The following PCDH7 variants were observed in gnomAD, a reference collection of about 807,000 sequenced individuals.
PCDH7 encodes the protein protocadherin 7, also known as protocadherin-7.
Under a neutral mutation model 58.9 loss-of-function variants are expected in PCDH7, and 17 were observed. The ratio of observed to expected loss-of-function variants is 0.29; its 90% CI spans 0.20 to 0.43. The LOEUF (loss-of-function observed/expected upper bound fraction) is 0.43. Among genes scored for constraint, PCDH7 ranks in the 20% least tolerant of loss-of-function variants. PCDH7 has a pLI of 1.00. For synonymous variants in PCDH7, 664 were observed against 616.4 expected (o/e 1.08, Z -1.14); for missense variants, 1,274 against 1,441.0 (o/e 0.88, Z 1.88).
intron 2 of PCDH7, among the ~76,000 whole-genome samples, chr4:30,948,287 T>C (rs1370733729): frequency 2.0e-5 from 3 of 148,860 alleles, no homozygotes; most frequent in African/African-American, 7.5e-5. Flanking sequence ...GCAACTCATA[T>C]GCAAAAAAAA....
intron 3 of PCDH7, among the ~76,000 whole-genome samples, chr4:31,016,450 G>A (rs1753609305): frequency 6.6e-6 from 1 of 150,600 alleles, no homozygotes; most frequent in Non-Finnish European, 1.5e-5. Flanking sequence ...GACAGGAGAG[G>A]GGGAAAGGCC....
chr4:30,739,634 T>A (rs2109246991), intron 1 of PCDH7, among the ~76,000 whole-genome samples: 1 of 152,310 alleles, frequency 6.6e-6, no homozygotes, highest in African/African-American at 2.4e-5. Flanking sequence ...TAAAACTTGA[T>A]GTTTTCTTTA....
At chr4:31,022,184 G>A (rs911452628) in intron 3 of PCDH7, among the ~76,000 whole-genome samples, 5 of 152,174 alleles carry the variant, frequency 3.3e-5, no homozygotes, top group African/African-American at 1.2e-4. Context: ...CAGATTGTAT[G>A]AGAGTGCCCT....
At chr4:31,071,173 A>G (rs895971868) in intron 3 of PCDH7, among the ~76,000 whole-genome samples, 1 of 152,054 alleles carries the variant, frequency 6.6e-6, no homozygotes, top group Admixed American at 6.6e-5. Flanking sequence ...TCTTTAATAG[A>G]TTCTTTTTTA....
chr4:30,851,999 A>AT (rs1732821590), intron 1 of PCDH7, among the ~76,000 whole-genome samples: 1 of 152,086 alleles, frequency 6.6e-6, no homozygotes, highest in African/African-American at 2.4e-5. Flanking sequence ...AGGAAAATAG[A>AT]TTTTTCAATG....
intron 3 of PCDH7, among the ~76,000 whole-genome samples, chr4:31,071,446 C>G (rs749684157): frequency 6.6e-6 from 1 of 152,088 alleles, no homozygotes; most frequent in Admixed American, 6.6e-5. Flanking sequence ...GGAGAGGGGG[C>G]AGCCTTTCAT....
chr4:30,960,126 G>GAAGC (rs1184054502), intron 3 of PCDH7, among the ~76,000 whole-genome samples: 10 of 76,754 alleles, frequency 1.3e-4, no homozygotes, highest in African/African-American at 6.8e-4. Flanking sequence ...AGGAAGGAAG[G>GAAGC]AAGGAAGGAA....
intron 1 of PCDH7, among the ~76,000 whole-genome samples, chr4:30,868,576 A>G (rs1381609835): frequency 1.3e-5 from 2 of 151,376 alleles, no homozygotes; most frequent in African/African-American, 2.4e-5. Flanking sequence ...TTTTTTTTCT[A>G]CTTTGTATGA....
intron 1 of PCDH7, among the ~76,000 whole-genome samples, chr4:30,876,201 T>C (rs1578134641): frequency 6.6e-6 from 1 of 152,266 alleles, no homozygotes; most frequent in Middle Eastern, 3.4e-3. Context: ...ATAGTGTTAA[T>C]ATTCTTACCT....
At chr4:30,725,731 A>C (rs553152022) in intron 1 of PCDH7, among the ~76,000 whole-genome samples, 1 of 152,264 alleles carries the variant, frequency 6.6e-6, no homozygotes, top group African/African-American at 2.4e-5. Flanking sequence ...AATTTCTATT[A>C]AACATGCTTT....
rs567790583 is a variant in PCDH7 at position 30,966,462 on chromosome 4, T to C, written c.*7+16247T>C. ...AAAGTGTTTCATGTCAGTTTTAATG[T>C]GTTAGCCCCAAATTACAGAGTAATA... On this transcript the variant is annotated intron_variant, in intron 3 of 3. Transcript: ENST00000509759. 3.3e-5 allele frequency among the ~76,000 whole-genome samples: 5 copies of C among 152,270 alleles called. No individual in the cohort carries two copies. In the East Asian group the frequency reaches 5.8e-4, roughly 18 times the overall value.
At chr4:30,766,109 T>C (rs950322316) in intron 1 of PCDH7, among the ~76,000 whole-genome samples, 12 of 89,302 alleles carry the variant, frequency 1.3e-4, no homozygotes, top group African/African-American at 1.0e-3. Flanking sequence ...CCATTAAATG[T>C]AGGGAAAAAA....
At chr4:30,993,369 A>C (rs537742762) in intron 3 of PCDH7, among the ~76,000 whole-genome samples, 8 of 152,322 alleles carry the variant, frequency 5.3e-5, no homozygotes, top group Non-Finnish European at 7.4e-5. Flanking sequence ...TACCTTTCCA[A>C]GATGTCGCCA....
At chr4:30,933,895 C>T (rs1290643123) in intron 2 of PCDH7, among the ~76,000 whole-genome samples, 1 of 152,214 alleles carries the variant, frequency 6.6e-6, no homozygotes, top group African/African-American at 2.4e-5. Context: ...TTTTAGGGCC[C>T]AGTCCTTACG....
chr4:30,728,290 T>TAGAG (rs1360784357), intron 1 of PCDH7, among the ~76,000 whole-genome samples: 3 of 93,756 alleles, frequency 3.2e-5, no homozygotes, highest in Non-Finnish European at 4.6e-5. Flanking sequence ...TATATATATA[T>TAGAG]ATATATAGAG....
intron 3 of PCDH7, among the ~76,000 whole-genome samples, chr4:30,988,519 C>T (rs955811972): frequency 6.6e-6 from 1 of 152,158 alleles, no homozygotes; most frequent in African/African-American, 2.4e-5. Context: ...GCATTTAGTA[C>T]ACAGGCCTTG....
At chr4:30,942,611 A>T (rs1746174144) in intron 2 of PCDH7, among the ~76,000 whole-genome samples, 1 of 152,056 alleles carries the variant, frequency 6.6e-6, no homozygotes, top group Non-Finnish European at 1.5e-5. Context: ...AAGTCCTAAC[A>T]TTCTCTGTGT....
intron 1 of PCDH7, among the ~76,000 whole-genome samples, chr4:30,749,907 GT>G (rs1718282527): frequency 6.6e-6 from 1 of 152,104 alleles, no homozygotes; most frequent in South Asian, 2.1e-4. Context: ...TGCTGTAACT[GT>G]TTCATTTTCT....
At chr4:30,899,332 T>C (rs1029755990) in intron 1 of PCDH7, among the ~76,000 whole-genome samples, 1 of 152,166 alleles carries the variant, frequency 6.6e-6, no homozygotes, top group African/African-American at 2.4e-5. Context: ...AAATTGCCCT[T>C]TTTTGACTTC....
Sources: gnomAD v4.1 joint callset for allele counts (sites outside exome capture counted in the v4.1 genomes callset) on GRCh38, gnomAD v4.1.1 for gene constraint, MANE v1.5 for transcripts, NCBI Gene and HGNC (gene_info 2026-07-23, HGNC 2026-07-21) for gene names.